The following SDHA variants were observed in gnomAD, a reference collection of about 807,000 sequenced individuals.
The protein encoded by SDHA is succinate dehydrogenase [ubiquinone] flavoprotein subunit, mitochondrial.
Under a neutral mutation model 78.4 loss-of-function variants are expected in SDHA, and 48 were observed. That is an observed-to-expected ratio of 0.61 (90% CI 0.49 to 0.78). The LOEUF (loss-of-function observed/expected upper bound fraction) is 0.78. SDHA is among the 30% of genes least tolerant of loss of function. The pLI is 0.00. For missense variants in SDHA, 680 were observed against 892.7 expected, an observed-to-expected ratio of 0.76 and a Z score of 3.04; for synonymous variants, 326 against 353.9, an observed-to-expected ratio of 0.92 and a Z score of 0.88.
intron 6 of SDHA, among the ~76,000 whole-genome samples, chr5:230,364 C>A (rs562552879): frequency 6.6e-6 from 1 of 152,164 alleles, no homozygotes; most frequent in African/African-American, 2.4e-5. Context: ...CAGTGGCTCA[C>A]GCCTGTAATC....
At chr5:248,138 A>G (rs574801524) in intron 11 of SDHA, among the ~76,000 whole-genome samples, 27 of 152,394 alleles carry the variant, frequency 1.8e-4, no homozygotes, top group South Asian at 2.1e-4. Flanking sequence ...AGGTAAAATA[A>G]TAACTTGGGG....
chr5:220,181 G>A, intron 1 of SDHA: 1 of 364,936 alleles, frequency 2.7e-6, no homozygotes, highest in Non-Finnish European at 5.7e-6. Flanking sequence ...ATTTACAACT[G>A]CTTTCAAGTG....
chr5:257,531 A>C (rs1445749490), downstream of SDHA, among the ~76,000 whole-genome samples: 1 of 130,636 alleles, frequency 7.7e-6, no homozygotes, highest in Non-Finnish European at 1.6e-5. Flanking sequence ...TTGGAGCATT[A>C]CTGTGTGAGC....
At chr5:245,915 A>G (rs1355192874) in intron 11 of SDHA, among the ~76,000 whole-genome samples, 1 of 152,166 alleles carries the variant, frequency 6.6e-6, no homozygotes. Flanking sequence ...TCTATTTTCT[A>G]TCCTTAGAGG....
chr5:222,450 C>T (rs1397010565), intron 1 of SDHA, among the ~76,000 whole-genome samples: 1 of 150,276 alleles, frequency 6.7e-6, no homozygotes, highest in East Asian at 2.0e-4. Flanking sequence ...TGGGTTCAAG[C>T]GATTCTCCTG....
At chr5:258,529 A>C (rs1281772384), downstream of SDHA, among the ~76,000 whole-genome samples, 2 of 89,822 alleles carry the variant, frequency 2.2e-5, no homozygotes, top group Non-Finnish European at 3.9e-5. Context: ...CCAGAGCATT[A>C]CTGTGAGCTC....
chr5:248,034 C>A (rs1246033857), intron 11 of SDHA, among the ~76,000 whole-genome samples: 1 of 152,234 alleles, frequency 6.6e-6, no homozygotes, highest in Non-Finnish European at 1.5e-5. Flanking sequence ...CAGATCTTAT[C>A]AGCAGCTGAA....
At chr5:259,299 C>A (rs1249686097), downstream of SDHA, among the ~76,000 whole-genome samples, 1 of 49,706 alleles carries the variant, frequency 2.0e-5, no homozygotes, top group Non-Finnish European at 3.8e-5. Flanking sequence ...ACCGTGTGAG[C>A]TCCGCCCCCC....
chr5:228,777 A>G (rs1376859343), intron 6 of SDHA, among the ~76,000 whole-genome samples: 1 of 152,230 alleles, frequency 6.6e-6, no homozygotes, highest in Non-Finnish European at 1.5e-5. Context: ...CCATTTTAAA[A>G]GTTAAAAAGT....
intron 2 of SDHA, among the ~76,000 whole-genome samples, chr5:223,944 A>G (rs1454559229): frequency 2.0e-5 from 3 of 152,106 alleles, no homozygotes; most frequent in Non-Finnish European, 2.9e-5. Context: ...TGAAAATAGG[A>G]TGGTGGGGCC....
At position 226,184 on chromosome 5, in the gene SDHA, A is replaced by G. The variant is rs1332779364; in HGVS notation, c.621+137A>G. Reference sequence around the variant, plus strand: ...AACAGAGAACAGCAGCGTGGGGCGCATGCAGCGACTGTGGATGTGACAGGA... The same window carrying G: ...AACAGAGAACAGCAGCGTGGGGCGCGTGCAGCGACTGTGGATGTGACAGGA... On this transcript the variant is annotated intron_variant, in intron 5 of 14. Coordinates refer to ENST00000264932, the MANE Select transcript of SDHA (RefSeq NM_004168.4). 7.3e-6 allele frequency: 7 copies of G among 962,022 alleles called. 1 individual carries two copies. Among genetic ancestry groups the G allele is most frequent in the South Asian group, 2.8e-5 (2 of 71,820 alleles). The allele number at this position is 962,022 out of a possible 1,614,324, so 59.6% of individuals were successfully genotyped here.
At chr5:234,440 A>AAAAAC (rs1307994958) in intron 8 of SDHA, 1 of 141,482 alleles carries the variant, frequency 7.1e-6, no homozygotes, top group Non-Finnish European at 1.5e-5. Context: ...AAAAAAAAAA[A>AAAAAC]AAAACAGAGA....
chr5:258,648 G>T (rs1427526874), downstream of SDHA, among the ~76,000 whole-genome samples: 2 of 121,796 alleles, frequency 1.6e-5, no homozygotes, highest in African/African-American at 8.6e-5. Context: ...TCCCGCCAGA[G>T]CATTACCGTG....
chr5:222,167 A>G (rs1008453463), intron 1 of SDHA, among the ~76,000 whole-genome samples: 5 of 152,148 alleles, frequency 3.3e-5, no homozygotes, highest in Admixed American at 2.6e-4. Flanking sequence ...TTTCTGAAAA[A>G]AGAAAAAAGC....
rs201822097 is a variant in SDHA at position 236,440 on chromosome 5, G to T, written c.1273G>T (p.Val425Leu). ...TTCCTTTCCACAGGTCCTGAGGCAC[G>T]TGAATGGCCAGGATCAGATTGTGCC... ...TNYKGQVLRH[V>L]NGQDQIVPGL... Residue 425 changes from valine to leucine, a missense_variant, in exon 10 of 15, where the codon GTG becomes TTG. Val to Leu is a conservative substitution (Grantham distance 32). Transcript: ENST00000264932. 5.6e-6 allele frequency: 9 copies of T among 1,613,762 alleles called. No individual in the cohort carries two copies. Among genetic ancestry groups the T allele is most frequent in the Middle Eastern group, 1.7e-4 (1 of 6,060 alleles).
At chr5:219,203 T>C (rs1299550100) in intron 1 of SDHA, among the ~76,000 whole-genome samples, 1 of 151,926 alleles carries the variant, frequency 6.6e-6, no homozygotes, top group Non-Finnish European at 1.5e-5. Flanking sequence ...GCCTGTGCGC[T>C]GAGTGCCTCT....
At chr5:230,200 GTTTT>G (rs923562052) in intron 6 of SDHA, among the ~76,000 whole-genome samples, 7 of 143,982 alleles carry the variant, frequency 4.9e-5, no homozygotes, top group African/African-American at 1.9e-4. Context: ...TAAATATATA[GTTTT>G]TTTTTTAAAT....
chr5:250,930 G>A, intron 11 of SDHA, 62 bp from the exon 12 acceptor site: 1 of 1,356,614 alleles, frequency 7.4e-7, no homozygotes, highest in Non-Finnish European at 1.1e-6. Flanking sequence ...TAAAAGTTAA[G>A]CAGTTCTTGG....
chr5:258,972 G>A (rs1737384943), downstream of SDHA, among the ~76,000 whole-genome samples: 1 of 37,848 alleles, frequency 2.6e-5, no homozygotes. Context: ...GAGCATTACC[G>A]TGTGAGCTCC....
Sources: gnomAD v4.1 joint callset for allele counts (sites outside exome capture counted in the v4.1 genomes callset) on GRCh38, gnomAD v4.1.1 for gene constraint, MANE v1.5 for transcripts, NCBI Gene and HGNC (gene_info 2026-07-23, HGNC 2026-07-21) for gene names.